FAM107B: variants seen among roughly 807,000 people sequenced by gnomAD.
The protein encoded by FAM107B is protein FAM107B.
FAM107B carries 21 observed loss-of-function variants against 31.5 expected under a neutral mutation model. The observed-to-expected ratio is 0.67, with a 90% CI of 0.47 to 0.96. The LOEUF (loss-of-function observed/expected upper bound fraction) is 0.96. Ranked by LOEUF, FAM107B falls within the 40% of genes least tolerant of loss-of-function variation. The pLI is 0.00. For missense variants in FAM107B, 452 were observed against 377.1 expected, an observed-to-expected ratio of 1.20 and a Z score of -1.64; for synonymous variants, 157 against 141.5, an observed-to-expected ratio of 1.11 and a Z score of -0.78.
In FAM107B at chr10:14,540,449, TCC is replaced by T. The variant is rs535934802; in HGVS notation, c.470-9936_470-9935del. On this transcript the variant is annotated intron_variant, in intron 2 of 4. Coordinates refer to ENST00000181796, the MANE Select transcript of FAM107B (RefSeq NM_031453.4). Reference sequence around the variant, plus strand: ...TTTTCTCAGGCCATCCAGGGCTCCCTCCTTTGGTGACACTCTCCTGGGCCTCT... The same window carrying T: ...TTTTCTCAGGCCATCCAGGGCTCCCTTTTGGTGACACTCTCCTGGGCCTCT... Among the ~76,000 whole-genome samples, 37 of 152,306 alleles carry T rather than the reference TCC, an allele frequency of 2.4e-4. No individual in the cohort carries two copies. The East Asian group carries it at 6.8e-3, about 28-fold the overall frequency.
At chr10:14,683,218 T>G (rs1168020325) in intron 1 of FAM107B, among the ~76,000 whole-genome samples, 2 of 139,452 alleles carry the variant, frequency 1.4e-5, no homozygotes, top group Non-Finnish European at 3.3e-5. Flanking sequence ...TTTTGATTTT[T>G]GGGAAATCTA....
rs183429208 is a variant in FAM107B, at chr10:14,741,521, G to A, written c.411+32732C>T. Among the ~76,000 whole-genome samples the A allele has an allele frequency of 3.9e-5, 6 of 152,208 alleles. No individual in the cohort carries two copies. The East Asian group carries it at 1.2e-3, about 29-fold the overall frequency. On this transcript the variant is annotated intron_variant, in intron 1 of 4. Transcript: ENST00000181796. ...GTGTGAATCCCTGCATCTCCAGGAG[G>A]GATGGAGGATACCCTCTGCCCAGCC...
At chr10:14,760,122 G>A (rs749107624) in intron 1 of FAM107B, among the ~76,000 whole-genome samples, 1 of 152,166 alleles carries the variant, frequency 6.6e-6, no homozygotes, top group Non-Finnish European at 1.5e-5. Flanking sequence ...TGGGAGAATA[G>A]GTTCCAAGAT....
At chr10:14,657,877 C>T (rs1365063953) in intron 2 of FAM107B, among the ~76,000 whole-genome samples, 3 of 151,860 alleles carry the variant, frequency 2.0e-5, no homozygotes, top group East Asian at 1.9e-4. Flanking sequence ...GTGGCGCGAT[C>T]CCAGCTCACT....
intron 1 of FAM107B, among the ~76,000 whole-genome samples, chr10:14,751,067 T>G (rs1234022148): frequency 6.6e-6 from 1 of 152,304 alleles, no homozygotes; most frequent in African/African-American, 2.4e-5. Flanking sequence ...CCTGGCCCCA[T>G]GTGCTGTTGA....
intron 2 of FAM107B, among the ~76,000 whole-genome samples, chr10:14,564,042 T>A (rs1031386455): frequency 1.3e-5 from 2 of 152,214 alleles, no homozygotes; most frequent in Non-Finnish European, 2.9e-5. Context: ...TTATTGTTTG[T>A]TATTTTTGAG....
intron 2 of FAM107B, among the ~76,000 whole-genome samples, chr10:14,558,830 T>C (rs1849946778): frequency 6.6e-6 from 1 of 152,058 alleles, no homozygotes; most frequent in South Asian, 2.1e-4. Context: ...TGAACTTGAA[T>C]TCTTACTTGC....
At chr10:14,748,182 C>T (rs975951120) in intron 1 of FAM107B, among the ~76,000 whole-genome samples, 1 of 152,084 alleles carries the variant, frequency 6.6e-6, no homozygotes, top group African/African-American at 2.4e-5. Context: ...AAAGTCATTT[C>T]TTCTATCTCT....
chr10:14,766,514 T>C (rs995142449), intron 1 of FAM107B, among the ~76,000 whole-genome samples: 2 of 152,064 alleles, frequency 1.3e-5, no homozygotes, highest in East Asian at 3.9e-4. Context: ...TTCAGAGAGG[T>C]ACTTTGTATT....
At chr10:14,532,873 G>A (rs1482888514) in intron 2 of FAM107B, among the ~76,000 whole-genome samples, 1 of 152,182 alleles carries the variant, frequency 6.6e-6, no homozygotes, top group Non-Finnish European at 1.5e-5. Context: ...TATTACATTT[G>A]GGGAGGAGCT....
At chr10:14,593,720 T>C (rs1269508323) in intron 2 of FAM107B, among the ~76,000 whole-genome samples, 1 of 151,864 alleles carries the variant, frequency 6.6e-6, no homozygotes, top group Non-Finnish European at 1.5e-5. Context: ...AAATTATTGC[T>C]TATCATGGCT....
intron 1 of FAM107B, among the ~76,000 whole-genome samples, chr10:14,693,334 A>T (rs2609838): frequency 0.41 from 62,845 of 151,856 alleles, 13,258 homozygotes; most frequent in African/African-American, 0.47. Context: ...AAAAACTAGC[A>T]GGGCGTGGTG....
intron 1 of FAM107B, among the ~76,000 whole-genome samples, chr10:14,727,142 G>A (rs780084830): frequency 5.9e-5 from 9 of 152,060 alleles, no homozygotes; most frequent in Non-Finnish European, 7.4e-5. Flanking sequence ...TGGAGCTCAG[G>A]CAGTAATGCA....
At chr10:14,749,513 A>G (rs922405141) in intron 1 of FAM107B, among the ~76,000 whole-genome samples, 1 of 152,242 alleles carries the variant, frequency 6.6e-6, no homozygotes, top group South Asian at 2.1e-4. Flanking sequence ...ACTTCATTAT[A>G]TAATAATTTC....
At chr10:14,609,612 C>A (rs776754969) in intron 2 of FAM107B, among the ~76,000 whole-genome samples, 4 of 152,172 alleles carry the variant, frequency 2.6e-5, no homozygotes, top group Non-Finnish European at 5.9e-5. Context: ...TTAAAGTGCT[C>A]ATGTGATTAG....
At chr10:14,646,567 C>T (rs1437132493) in intron 2 of FAM107B, among the ~76,000 whole-genome samples, 1 of 152,154 alleles carries the variant, frequency 6.6e-6, no homozygotes, top group Admixed American at 6.5e-5. Context: ...TTTATCCACT[C>T]ATTGCTTGAT....
intron 1 of FAM107B, among the ~76,000 whole-genome samples, chr10:14,732,966 T>C (rs1856209508): frequency 6.8e-6 from 1 of 146,738 alleles, no homozygotes; most frequent in Non-Finnish European, 1.5e-5. Flanking sequence ...ATACCTTATA[T>C]TGTATTCTAT....
At chr10:14,604,208 G>C in intron 2 of FAM107B, 1 of 979,564 alleles carries the variant, frequency 1.0e-6, no homozygotes, top group Non-Finnish European at 1.2e-6. Flanking sequence ...CCTCGTCTTT[G>C]TGTGGAAAGT....
chr10:14,680,900 A>C (rs924989878), intron 1 of FAM107B, among the ~76,000 whole-genome samples: 5 of 152,092 alleles, frequency 3.3e-5, no homozygotes, highest in Admixed American at 6.5e-5. Flanking sequence ...TGATCTCAGC[A>C]GCATTCCCTA....
Sources: gnomAD v4.1 joint callset for allele counts (sites outside exome capture counted in the v4.1 genomes callset) on GRCh38, gnomAD v4.1.1 for gene constraint, MANE v1.5 for transcripts, NCBI Gene and HGNC (gene_info 2026-07-23, HGNC 2026-07-21) for gene names.